Variants in NUF2 observed in about 807,000 individuals in gnomAD.
NUF2 encodes kinetochore protein Nuf2.
NUF2 carries 34 observed loss-of-function variants against 61.8 expected under a neutral mutation model. The ratio of observed to expected loss-of-function variants is 0.55; its 90% CI spans 0.42 to 0.73. NUF2 has a LOEUF of 0.73. NUF2 is among the 30% of genes least tolerant of loss of function. The pLI, the probability that NUF2 is intolerant of heterozygous loss-of-function variation, is 0.00. For missense variants in NUF2, 445 were observed against 539.1 expected (o/e 0.83, Z 1.73); for synonymous variants, 172 against 181.6 (o/e 0.95, Z 0.42).
chr1:163,333,807 A>C (rs1650672960), intron 5 of NUF2, among the ~76,000 whole-genome samples: 1 of 152,198 alleles, frequency 6.6e-6, no homozygotes. Flanking sequence ...TATCTTTTAA[A>C]GGATTTTCTA....
intron 1 of NUF2, among the ~76,000 whole-genome samples, chr1:163,322,531 G>T (rs1241508466): frequency 6.6e-6 from 1 of 152,132 alleles, no homozygotes; most frequent in Non-Finnish European, 1.5e-5. Context: ...AAAGAGCAGC[G>T]CATATATAGC....
intron 8 of NUF2, 92 bp from the exon 9 acceptor site, chr1:163,340,272 C>G: frequency 1.1e-6 from 1 of 928,266 alleles, no homozygotes; most frequent in South Asian, 1.4e-5. Flanking sequence ...ACACATTTAA[C>G]TCCTTTCTTA....
In NUF2 at chr1:163,347,935, T is replaced by C. The variant is rs1164458998; in HGVS notation, c.1121T>C (p.Ile374Thr). 1.9e-6 allele frequency: 3 copies of C among 1,562,354 alleles called. No individual in the cohort carries two copies. Among genetic ancestry groups the C allele is most frequent in the Non-Finnish European group, 2.6e-6 (3 of 1,156,230 alleles). Residue 374 changes from isoleucine (I) to threonine (T), a missense_variant, in exon 12 of 14, where the codon ATT becomes ACT. Ile to Thr is a moderately conservative substitution (Grantham distance 89). Transcript: ENST00000271452. ...GTTAAGCAATACAAACGCACAGTAA[T>C]TGAGTATGGAGTTGTTTTCAATTTT... ...EDVKQYKRTV[I>T]EDCNKVQEKR...
At position 163,355,548 on chromosome 1, in the gene NUF2, G is replaced by T; in HGVS notation, c.*79G>T. 2 of 1,294,516 alleles carry T rather than the reference G, an allele frequency of 1.5e-6. No homozygotes were observed. The highest frequency in any genetic ancestry group is 1.5e-5 in the African/African-American group (1 of 66,516). The allele number at this position is 1,294,516 out of a possible 1,614,324, so 80.2% of individuals were successfully genotyped here. On this transcript the variant is annotated 3_prime_UTR_variant, in exon 14 of 14. Transcript: ENST00000271452. ...TTTAGAAAGAAAAGTTGAAGCGAATGGAAGTATCAGAAGTACCAAATAATG... is the reference window on the plus strand; with the variant it reads ...TTTAGAAAGAAAAGTTGAAGCGAATTGAAGTATCAGAAGTACCAAATAATG...
intron 13 of NUF2, among the ~76,000 whole-genome samples, chr1:163,354,421 G>T (rs1048599752): frequency 6.6e-6 from 1 of 152,018 alleles, no homozygotes; most frequent in African/African-American, 2.4e-5. Context: ...TTCTTTTTCG[G>T]AATACTGTGA....
In NUF2 at chr1:163,338,053, G is replaced by A. The variant is rs1024367243; in HGVS notation, c.469G>A (p.Ala157Thr). The change falls in exon 7 of 14, where the codon GCC becomes ACC. Residue 157 changes from alanine to threonine, a missense_variant. Ala to Thr is a moderately conservative substitution (Grantham distance 58). Transcript: ENST00000271452. ...SSADKMQQLN[A>T]AHQEALMKLE... ...TGCGGACAAAATGCAACAGTTAAAC[G>A]CCGCACACCAGGAGGCATTAATGAA... is the stretch of plus-strand genomic sequence containing the variant. The A allele has an allele frequency of 3.7e-6, 6 of 1,612,874 alleles. No homozygotes were observed. Among genetic ancestry groups the A allele is most frequent in the African/African-American group, 2.7e-5 (2 of 74,832 alleles).
At chr1:163,353,021 G>A (rs1172455650) in intron 13 of NUF2, among the ~76,000 whole-genome samples, 1 of 152,112 alleles carries the variant, frequency 6.6e-6, no homozygotes, top group African/African-American at 2.4e-5. Flanking sequence ...CAAATAATCT[G>A]GATGTGTGCT....
chr1:163,327,715 CACTT>C (rs1376559475), intron 3 of NUF2, among the ~76,000 whole-genome samples, 153 bp downstream of exon 3: 1 of 152,082 alleles, frequency 6.6e-6, no homozygotes, highest in Non-Finnish European at 1.5e-5. Flanking sequence ...AAATTAGTGT[CACTT>C]ACAATGGGAT....
At chr1:163,353,469 G>T (rs1651392211) in intron 13 of NUF2, among the ~76,000 whole-genome samples, 1 of 152,184 alleles carries the variant, frequency 6.6e-6, no homozygotes. Context: ...AGTCCTTGAT[G>T]TGTGGCTGGT....
chr1:163,355,263 A>C, intron 13 of NUF2, 72 bp from the exon 14 acceptor site: 1 of 1,159,048 alleles, frequency 8.6e-7, no homozygotes, highest in Non-Finnish European at 1.2e-6. Context: ...ATAAACTTGG[A>C]ATTCTTATAA....
At chr1:163,339,289 A>G (rs1332941419) in intron 7 of NUF2, 92 bp from the exon 8 acceptor site, 4 of 735,366 alleles carry the variant, frequency 5.4e-6, no homozygotes, top group Admixed American at 4.8e-5. Context: ...AAAAGTAGAC[A>G]ATTTCTTCAT....
chr1:163,343,404 A>G (rs1390219558), intron 9 of NUF2, among the ~76,000 whole-genome samples: 5 of 152,198 alleles, frequency 3.3e-5, no homozygotes, highest in African/African-American at 1.2e-4. Context: ...GGAGGACCCT[A>G]CTGGTCAAAG....
chr1:163,335,646 A>G (rs1650734527), intron 5 of NUF2, among the ~76,000 whole-genome samples: 2 of 151,692 alleles, frequency 1.3e-5, no homozygotes, highest in South Asian at 2.1e-4. Context: ...ACTTTCTTGG[A>G]TATGGTTATT....
rs1651181766 is a variant in NUF2, at chr1:163,347,812, A to C, written c.998A>C (p.Lys333Thr). The C allele has an allele frequency of 1.2e-6, 2 of 1,611,818 alleles. No homozygotes were observed. Among genetic ancestry groups the C allele is most frequent in the Non-Finnish European group, 8.5e-7 (1 of 1,179,170 alleles). ...QIESDESELKKLKTEENSFKR... is the reference protein window; with the variant it reads ...QIESDESELKTLKTEENSFKR... ...GAGAGTGATGAGTCAGAACTGAAGAAATTGAAGACTGAAGAAAATTCGTTC... is the reference window on the plus strand; with the variant it reads ...GAGAGTGATGAGTCAGAACTGAAGACATTGAAGACTGAAGAAAATTCGTTC... Residue 333 changes from lysine to threonine, a missense_variant, in exon 12 of 14, where the codon AAA (lysine) becomes ACA (threonine). Physicochemically the swap from Lys to Thr is moderately conservative, Grantham distance 78 (BLOSUM62 -1). Coordinates refer to ENST00000271452, the MANE Select transcript of NUF2 (RefSeq NM_145697.3).
At chr1:163,348,719 GA>G (rs200128543) in intron 12 of NUF2, among the ~76,000 whole-genome samples, 1 of 151,790 alleles carries the variant, frequency 6.6e-6, no homozygotes, top group Admixed American at 6.6e-5. Flanking sequence ...ACCAATGAGG[GA>G]AAAAAAATCT....
chr1:163,344,858 T>G (rs1433633386), intron 10 of NUF2, among the ~76,000 whole-genome samples: 1 of 151,970 alleles, frequency 6.6e-6, no homozygotes, highest in Non-Finnish European at 1.5e-5. Context: ...TAAGAAACAG[T>G]TCTGGCTCAA....
intron 11 of NUF2, 74 bp from the exon 12 acceptor site, chr1:163,347,689 A>G: frequency 9.5e-7 from 1 of 1,048,726 alleles, no homozygotes. Context: ...AGTTCATCCT[A>G]GAAAATATTC....
In NUF2 at chr1:163,344,045, T is replaced by G. The variant is rs576655492; in HGVS notation, c.807+175T>G. Among the ~76,000 whole-genome samples the G allele has an allele frequency of 5.9e-5, 9 of 152,246 alleles. No homozygotes were observed. In the East Asian group the frequency reaches 1.5e-3, roughly 26 times the overall value. On this transcript the variant is annotated intron_variant, in intron 10 of 13. Transcript: ENST00000271452. ...TTCTCTAGAGTGAATATGGGGAAAATAAATATAATTTCAAGACATTTGTTC... is the reference window on the plus strand; with the variant it reads ...TTCTCTAGAGTGAATATGGGGAAAAGAAATATAATTTCAAGACATTTGTTC...
At chr1:163,339,619 A>G (rs1650875188) in intron 8 of NUF2, 142 bp downstream of exon 8, 1 of 596,506 alleles carries the variant, frequency 1.7e-6, no homozygotes, top group Middle Eastern at 3.3e-4. Context: ...TGTGCCCCTT[A>G]TAATGGATAC....
Sources: gnomAD v4.1 joint callset for allele counts (sites outside exome capture counted in the v4.1 genomes callset) on GRCh38, gnomAD v4.1.1 for gene constraint, MANE v1.5 for transcripts, NCBI Gene and HGNC (gene_info 2026-07-23, HGNC 2026-07-21) for gene names.